The following ATP13A3 variants were observed in gnomAD, a reference collection of about 807,000 sequenced individuals.
ATP13A3 encodes polyamine-transporting ATPase 13A3.
ATP13A3 carries 59 observed loss-of-function variants against 158.1 expected under a neutral mutation model. The ratio of observed to expected loss-of-function variants is 0.37; its 90% CI spans 0.30 to 0.46. The LOEUF (loss-of-function observed/expected upper bound fraction) is 0.46, where lower values mean the gene tolerates loss of function less well. Among genes scored for constraint, ATP13A3 ranks in the 20% least tolerant of loss-of-function variants. ATP13A3 has a pLI of 1.00. For synonymous variants in ATP13A3, 491 were observed against 504.3 expected (o/e 0.97, Z 0.35); for missense variants, 1,166 against 1,525.2 (o/e 0.76, Z 3.92).
intron 14 of ATP13A3, 40 bp from the exon 15 acceptor site, chr3:194,444,826 A>T: frequency 6.6e-7 from 1 of 1,504,770 alleles, no homozygotes; most frequent in Admixed American, 2.3e-5. Context: ...AGTATGGATG[A>T]TGCCTCAAAA....
At chr3:194,433,400 C>T (rs1304003679) in intron 21 of ATP13A3, among the ~76,000 whole-genome samples, 1 of 151,970 alleles carries the variant, frequency 6.6e-6, no homozygotes, top group Admixed American at 6.6e-5. Context: ...CCCGCCACCG[C>T]TCCCGGCTAA....
At position 194,482,094 on chromosome 3, in the gene ATP13A3, G is replaced by T. The variant is rs1442408666; in HGVS notation, c.-47+3700C>A. Among the ~76,000 whole-genome samples, 5 of 152,132 alleles carry T rather than the reference G, an allele frequency of 3.3e-5. No individual in the cohort carries two copies. In the East Asian group the frequency reaches 7.7e-4, roughly 23 times the overall value. Reference sequence around the variant, plus strand: ...CCATCCTCAAACAACCTTCCTCAGTGTCAGACACTTATTTGGACAGTTCTC... The same window carrying T: ...CCATCCTCAAACAACCTTCCTCAGTTTCAGACACTTATTTGGACAGTTCTC... On this transcript the variant is annotated intron_variant, in intron 2 of 33. Coordinates refer to ENST00000645319, the MANE Select transcript of ATP13A3 (RefSeq NM_001367549.1).
At chr3:194,470,821 A>G (rs1720267338) in intron 2 of ATP13A3, among the ~76,000 whole-genome samples, 1 of 152,226 alleles carries the variant, frequency 6.6e-6, no homozygotes, top group Non-Finnish European at 1.5e-5. Flanking sequence ...CATTACTACT[A>G]TCTACGATGA....
intron 33 of ATP13A3, among the ~76,000 whole-genome samples, chr3:194,407,053 G>C (rs747308351): frequency 6.6e-6 from 1 of 152,122 alleles, no homozygotes; most frequent in Non-Finnish European, 1.5e-5. Context: ...CAGAGTCCCT[G>C]GTTAATGCAT....
At chr3:194,445,308 T>G (rs1291279703) in intron 14 of ATP13A3, among the ~76,000 whole-genome samples, 1 of 152,216 alleles carries the variant, frequency 6.6e-6, no homozygotes, top group Non-Finnish European at 1.5e-5. Flanking sequence ...TAATCCCTAT[T>G]TGGATTCTGA....
intron 8 of ATP13A3, among the ~76,000 whole-genome samples, chr3:194,455,083 A>G (rs540839123): frequency 5.9e-5 from 9 of 152,352 alleles, no homozygotes; most frequent in African/African-American, 1.9e-4. Context: ...AAATTGAAAA[A>G]TGTTTGCTTA....
At chr3:194,443,038 TAAAA>T (rs11426254) in intron 15 of ATP13A3, among the ~76,000 whole-genome samples, 1 of 140,772 alleles carries the variant, frequency 7.1e-6, no homozygotes, top group Non-Finnish European at 1.5e-5. Flanking sequence ...TGCTTTCACT[TAAAA>T]AAAAAAAAAA....
intron 24 of ATP13A3, 112 bp downstream of exon 24, chr3:194,430,827 TTATA>T (rs1243468074): frequency 4.1e-6 from 3 of 737,892 alleles, no homozygotes; most frequent in South Asian, 6.7e-5. Flanking sequence ...TAGATCACAA[TTATA>T]TATATAAATA....
At chr3:194,444,001 T>C (rs9824591) in intron 15 of ATP13A3, among the ~76,000 whole-genome samples, 16,271 of 152,126 alleles carry the variant, frequency 0.11, 1,466 homozygotes, top group African/African-American at 0.24. Flanking sequence ...ATGAGAAGAA[T>C]GTAAAAACCA....
chr3:194,481,141 C>G (rs1720732059), intron 2 of ATP13A3, among the ~76,000 whole-genome samples: 1 of 150,218 alleles, frequency 6.7e-6, no homozygotes, highest in African/African-American at 2.5e-5. Context: ...TTAGATCAAT[C>G]AGAAAAAAAT....
rs140987450 is a variant in ATP13A3, at chr3:194,462,581, G to A, written c.-46-345C>T. 5.0e-3 allele frequency among the ~76,000 whole-genome samples: 762 copies of A among 152,300 alleles called. 3 individuals are homozygous for A. The highest frequency in any genetic ancestry group is 0.016 in the African/African-American group (685 of 41,572). The stretch of plus-strand genomic sequence containing the variant: ...ATCCCGAAACCATCCCTCCCCACCC[G>A]TAACTGTCTTCCATGAAACCAGTCC... On this transcript the variant is annotated intron_variant, in intron 2 of 33. Coordinates refer to ENST00000645319, the MANE Select transcript of ATP13A3 (RefSeq NM_001367549.1).
intron 2 of ATP13A3, among the ~76,000 whole-genome samples, chr3:194,474,443 T>A (rs1347537376): frequency 6.6e-6 from 1 of 152,114 alleles, no homozygotes; most frequent in African/African-American, 2.4e-5. Context: ...TATGTTAAAA[T>A]AAGCAGAAAA....
intron 10 of ATP13A3, chr3:194,450,999 T>C (rs1293285908): frequency 3.3e-5 from 5 of 152,344 alleles, no homozygotes; most frequent in African/African-American, 1.2e-4. Context: ...ACCTTATATG[T>C]AGGTATTCTC....
chr3:194,419,312 G>C (rs754077399), intron 31 of ATP13A3, among the ~76,000 whole-genome samples: 4 of 152,128 alleles, frequency 2.6e-5, no homozygotes, highest in Non-Finnish European at 5.9e-5. Context: ...AGGTACATGA[G>C]AGTGCCTTAT....
At chr3:194,413,735 C>A in intron 32 of ATP13A3, 24 bp downstream of exon 32, 1 of 1,582,116 alleles carries the variant, frequency 6.3e-7, no homozygotes, top group Non-Finnish European at 8.7e-7. Context: ...AACATGGTAG[C>A]CATTTGACTA....
chr3:194,478,536 G>T (rs888917222), intron 2 of ATP13A3, among the ~76,000 whole-genome samples: 1 of 152,122 alleles, frequency 6.6e-6, no homozygotes, highest in Non-Finnish European at 1.5e-5. Flanking sequence ...CCTAAAAAAT[G>T]CCAGGAAAAC....
Position 194,450,194 on chromosome 3 carries a change from A to G in ATP13A3, c.921T>C (p.Asp307=), listed in dbSNP as rs915082106. ...IPLNGTIMPC[D]AVLINGTCIV... ...TGCAGGTACCATTAATAAGCACAGC[A>G]TCACAAGGCATTATTGTCCCATTTA... Residue 307 remains aspartate (D), a synonymous_variant, in exon 11 of 34, where the codon GAT becomes GAC. Transcript: ENST00000645319. The G allele has an allele frequency of 9.3e-6, 15 of 1,613,928 alleles. No individual in the cohort carries two copies. The highest frequency in any genetic ancestry group is 3.3e-5 in the Admixed American group (2 of 59,998).
At chr3:194,410,314 A>AC (rs1577021270) in intron 33 of ATP13A3, among the ~76,000 whole-genome samples, 11 of 141,910 alleles carry the variant, frequency 7.8e-5, no homozygotes, top group Admixed American at 7.7e-4. Context: ...AAAAAAAAAA[A>AC]AAAAAAAAAA....
At position 194,449,615 on chromosome 3, in the gene ATP13A3, T is replaced by C. The variant is rs528538410; in HGVS notation, c.970+530A>G. On this transcript the variant is annotated intron_variant, in intron 11 of 33. Coordinates refer to ENST00000645319, the MANE Select transcript of ATP13A3 (RefSeq NM_001367549.1). Reference sequence around the variant, plus strand: ...GCTGCTTGAACCTGGGAGCGGAGGCTGCAGTGAGCCAAGATCGCACCACTG... The same window carrying C: ...GCTGCTTGAACCTGGGAGCGGAGGCCGCAGTGAGCCAAGATCGCACCACTG... 2.6e-5 allele frequency among the ~76,000 whole-genome samples: 4 copies of C among 151,764 alleles called. No homozygotes were observed. In the South Asian group the frequency reaches 8.3e-4, roughly 32 times the overall value.
Sources: gnomAD v4.1 joint callset for allele counts (sites outside exome capture counted in the v4.1 genomes callset) on GRCh38, gnomAD v4.1.1 for gene constraint, MANE v1.5 for transcripts, NCBI Gene and HGNC (gene_info 2026-07-23, HGNC 2026-07-21) for gene names.